Variants in STIM1 observed in about 807,000 individuals in gnomAD.
STIM1 encodes the protein stromal interaction molecule 1.
Under a neutral mutation model 74.7 loss-of-function variants are expected in STIM1, and 25 were observed. The observed-to-expected ratio is 0.33, with a 90% confidence interval of 0.24 to 0.47. STIM1 has a LOEUF of 0.47. Among genes scored for constraint, STIM1 ranks in the 20% least tolerant of loss-of-function variants. STIM1 has a pLI of 1.00. For missense variants in STIM1, 728 were observed against 920.8 expected (o/e 0.79, Z 2.71); for synonymous variants, 328 against 348.8 (o/e 0.94, Z 0.66).
At chr11:4,046,814 T>C (rs2094197094) in intron 3 of STIM1, among the ~76,000 whole-genome samples, 1 of 152,126 alleles carries the variant, frequency 6.6e-6, no homozygotes, top group African/African-American at 2.4e-5. Flanking sequence ...TAGGCCTGGC[T>C]AATTTTTTTA....
intron 7 of STIM1, among the ~76,000 whole-genome samples, chr11:4,079,583 AT>A (rs773455454): frequency 6.6e-6 from 1 of 152,124 alleles, no homozygotes; most frequent in East Asian, 1.9e-4. Context: ...CAAAAAAAAA[AT>A]AAAATAAAAA....
intron 1 of STIM1, among the ~76,000 whole-genome samples, chr11:3,953,169 T>A (rs1450563607): frequency 1.3e-5 from 2 of 152,220 alleles, no homozygotes; most frequent in African/African-American, 4.8e-5. Context: ...TCTTTTTCCC[T>A]TTTTGCTCCT....
intron 1 of STIM1, among the ~76,000 whole-genome samples, chr11:3,882,232 T>C (rs1590522602): frequency 6.6e-6 from 1 of 151,772 alleles, no homozygotes; most frequent in Middle Eastern, 3.4e-3. Flanking sequence ...CCCGAGTAGC[T>C]GGGATTACAG....
chr11:3,855,957 T>G lies in STIM1; in HGVS notation c.-314T>G. 1 of 413,670 alleles carries G rather than the reference T, an allele frequency of 2.4e-6. No homozygotes were observed. Among genetic ancestry groups the G allele is most frequent in the Non-Finnish European group, 4.6e-6 (1 of 219,626 alleles). The allele number at this position is 413,670 out of a possible 1,614,324, so 25.6% of individuals were successfully genotyped here. A position where few individuals can be genotyped will look rare whatever the true frequency, so the allele number is the denominator to read the frequency against. On this transcript the variant is annotated 5_prime_UTR_variant, in exon 1 of 13. Coordinates refer to ENST00000526596, the MANE Select transcript of STIM1 (RefSeq NM_001382567.1). ...CTCCGGCCGCCCCCTTCCGCAGGGG[T>G]GTAGTAATCTGCGGAGCTGACAGCA...
At chr11:4,059,980 T>A (rs1018148187) in intron 5 of STIM1, among the ~76,000 whole-genome samples, 1 of 152,218 alleles carries the variant, frequency 6.6e-6, no homozygotes, top group Admixed American at 6.5e-5. Context: ...ATATATATAA[T>A]GACAGTGGGT....
intron 3 of STIM1, among the ~76,000 whole-genome samples, chr11:4,054,973 A>G (rs1161108826): frequency 6.6e-6 from 1 of 152,074 alleles, no homozygotes; most frequent in Non-Finnish European, 1.5e-5. Context: ...TTAGCTTTTG[A>G]TCTCTTCCAC....
At chr11:4,070,717 T>G (rs1365844193) in intron 6 of STIM1, among the ~76,000 whole-genome samples, 1 of 152,224 alleles carries the variant, frequency 6.6e-6, no homozygotes, top group African/African-American at 2.4e-5. Context: ...TATGAAGGGA[T>G]TGACCTTGGA....
At chr11:4,078,636 C>T (rs937599426) in intron 7 of STIM1, among the ~76,000 whole-genome samples, 8 of 151,586 alleles carry the variant, frequency 5.3e-5, no homozygotes, top group African/African-American at 9.7e-5. Flanking sequence ...GGCACAATCT[C>T]GGCTCACTGC....
At chr11:4,077,484 A>G (rs1239587242) in intron 7 of STIM1, among the ~76,000 whole-genome samples, 3 of 152,156 alleles carry the variant, frequency 2.0e-5, no homozygotes, top group East Asian at 1.9e-4. Context: ...ATAAGCCACC[A>G]ACAGCATCCA....
chr11:4,013,260 C>T (rs1402246688), intron 2 of STIM1, among the ~76,000 whole-genome samples: 1 of 152,156 alleles, frequency 6.6e-6, no homozygotes, highest in Non-Finnish European at 1.5e-5. Flanking sequence ...GGAGGATTCC[C>T]TCTTTTTCTA....
At chr11:3,857,105 TTTG>T (rs1219798437) in intron 1 of STIM1, among the ~76,000 whole-genome samples, 20,253 of 118,534 alleles carry the variant, frequency 0.17, 3,374 homozygotes, top group South Asian at 0.29. Context: ...GGTTTTTTTT[TTTG>T]TTTTTTTTTT....
chr11:3,895,919 T>C (rs1295003007), intron 1 of STIM1, among the ~76,000 whole-genome samples: 1 of 149,396 alleles, frequency 6.7e-6, no homozygotes, highest in African/African-American at 2.5e-5. Context: ...CTTTCTTTTT[T>C]TTTGAGATGG....
intron 3 of STIM1, among the ~76,000 whole-genome samples, chr11:4,048,979 C>A (rs1300114164): frequency 6.6e-6 from 1 of 152,174 alleles, no homozygotes; most frequent in Non-Finnish European, 1.5e-5. Context: ...GGTGATCTGC[C>A]CGCCTCGGCC....
At chr11:4,045,817 G>A (rs2094188132) in intron 3 of STIM1, among the ~76,000 whole-genome samples, 1 of 142,902 alleles carries the variant, frequency 7.0e-6, no homozygotes, top group Non-Finnish European at 1.5e-5. Context: ...CCAGGCTGGA[G>A]TGCAGTGGTG....
At position 3,899,017 on chromosome 11, in the gene STIM1, A is replaced by G. The variant is rs1421575871; in HGVS notation, c.139+42608A>G. 2.6e-5 allele frequency among the ~76,000 whole-genome samples: 4 copies of G among 152,108 alleles called. No individual in the cohort carries two copies. The East Asian group carries it at 5.8e-4, about 22-fold the overall frequency. ...GATGTGGGCTCTTTTTTGGTTCCAC[A>G]TGAACTTTAAAGTAGTTTTTTCCAA... On this transcript the variant is annotated intron_variant, in intron 1 of 12. Coordinates refer to ENST00000526596, the MANE Select transcript of STIM1 (RefSeq NM_001382567.1).
intron 1 of STIM1, among the ~76,000 whole-genome samples, chr11:3,923,278 T>C (rs1396362866): frequency 6.6e-6 from 1 of 152,104 alleles, no homozygotes; most frequent in Non-Finnish European, 1.5e-5. Flanking sequence ...TTTTTCCTTC[T>C]GTGTATAACC....
chr11:3,854,706 A>G (rs977998948), upstream of STIM1: 1 of 152,246 alleles, frequency 6.6e-6, no homozygotes, highest in Non-Finnish European at 1.5e-5. Flanking sequence ...CCCCACCGAA[A>G]AACCTTAAAG....
intron 6 of STIM1, among the ~76,000 whole-genome samples, chr11:4,072,847 G>A (rs1371033189): frequency 1.3e-5 from 2 of 152,130 alleles, no homozygotes; most frequent in Non-Finnish European, 2.9e-5. Context: ...AGGAAATGGC[G>A]CCTCTGATTT....
chr11:3,995,993 T>C (rs1248241067), intron 2 of STIM1, among the ~76,000 whole-genome samples: 2 of 152,168 alleles, frequency 1.3e-5, no homozygotes, highest in African/African-American at 2.4e-5. Flanking sequence ...GCAAATTCTC[T>C]AGTCTACAGT....
Sources: gnomAD v4.1 joint callset for allele counts (sites outside exome capture counted in the v4.1 genomes callset) on GRCh38, gnomAD v4.1.1 for gene constraint, MANE v1.5 for transcripts, NCBI Gene and HGNC (gene_info 2026-07-23, HGNC 2026-07-21) for gene names.